Variants in MYO9B observed in about 807,000 individuals in gnomAD.
MYO9B encodes myosin IXB, also known as unconventional myosin-IXb.
Under a neutral mutation model 229.5 loss-of-function variants are expected in MYO9B, and 71 were observed. The observed-to-expected ratio is 0.31, with a 90% CI of 0.26 to 0.38. The LOEUF is 0.38. MYO9B is among the 10% of genes least tolerant of loss of function. MYO9B has a pLI of 1.00. For missense variants in MYO9B, 2,255 were observed against 2,920.5 expected (o/e 0.77, Z 5.25); for synonymous variants, 1,185 against 1,235.8 (o/e 0.96, Z 0.86).
chr19:17,206,837 G>C, intron 34 of MYO9B, 53 bp downstream of exon 34: 7 of 1,438,644 alleles, frequency 4.9e-6, no homozygotes, highest in Admixed American at 2.0e-5. Context: ...TTGGGAACCC[G>C]CGAGGCAGCA....
chr19:17,182,070 C>CTT (rs765799238), intron 15 of MYO9B, among the ~76,000 whole-genome samples: 3 of 142,292 alleles, frequency 2.1e-5, no homozygotes, highest in Non-Finnish European at 1.5e-5. Context: ...ATTCACCGCC[C>CTT]TTTTTTTTTT....
Position 17,200,765 on chromosome 19 carries a change from C to T in MYO9B, c.4499C>T (p.Ser1500Leu). The change falls in exon 26 of 40, where the codon TCG (serine) becomes TTG (leucine). Residue 1500 changes from serine to leucine, a missense_variant. Physicochemically the swap from Ser to Leu is moderately radical, Grantham distance 145. This residue lies in a region of MYO9B where 416 missense variants were observed against 605.5 expected (regional missense o/e 0.69). Transcript: ENST00000682292. ...KITVSEKWRE[S>L]VFRQITNANE... ...ACAGTGTCAGAGAAGTGGCGGGAAT[C>T]GGTGTTCCGCCAGATCACCAACGCC... 5 of 1,613,962 alleles carry T rather than the reference C, an allele frequency of 3.1e-6. No homozygotes were observed. The highest frequency in any genetic ancestry group is 4.2e-6 in the Non-Finnish European group (5 of 1,179,878).
chr19:17,149,907 G>A (rs2072458328), intron 3 of MYO9B, among the ~76,000 whole-genome samples: 1 of 152,248 alleles, frequency 6.6e-6, no homozygotes, highest in Non-Finnish European at 1.5e-5. Context: ...ATCGGCCACA[G>A]GCTGAGATTG....
chr19:17,158,601 A>G (rs1190408408), intron 7 of MYO9B, among the ~76,000 whole-genome samples: 2 of 151,948 alleles, frequency 1.3e-5, no homozygotes, highest in Admixed American at 1.3e-4. Context: ...TCTAAAAAAA[A>G]AAAAAAGGAG....
intron 11 of MYO9B, among the ~76,000 whole-genome samples, chr19:17,170,820 G>A (rs8106731): frequency 0.062 from 5,815 of 93,332 alleles, 286 homozygotes; most frequent in African/African-American, 0.18. Flanking sequence ...CAAGACCCCA[G>A]CTCTAAAAAT....
rs2072731761 is a variant in MYO9B at position 17,172,155 on chromosome 19, C to G, written c.1794-181C>G. Among the ~76,000 whole-genome samples the G allele has an allele frequency of 6.6e-6, 1 of 152,152 alleles. No individual in the cohort carries two copies. On this transcript the variant is annotated intron_variant, in intron 11 of 39. Transcript: ENST00000682292. The surrounding 1 kb of genome is among the most constrained non-coding windows in gnomAD (Gnocchi z 8.2). ...GGCATGAGGCAGGCAGGCGCACTGTCATTCCTTCCTTTCTTCACTCCTTCA... is the reference window on the plus strand; with the variant it reads ...GGCATGAGGCAGGCAGGCGCACTGTGATTCCTTCCTTTCTTCACTCCTTCA...
At chr19:17,205,092 A>G (rs1407955057) in intron 30 of MYO9B, among the ~76,000 whole-genome samples, 171 bp from the exon 31 acceptor site, 4 of 151,700 alleles carry the variant, frequency 2.6e-5, no homozygotes, top group Middle Eastern at 3.4e-3. Flanking sequence ...CGGAGGTTGC[A>G]GTGAGCCGAG....
intron 34 of MYO9B, 124 bp downstream of exon 34, chr19:17,206,908 G>T (rs762091796): frequency 8.2e-7 from 1 of 1,220,552 alleles, no homozygotes; most frequent in South Asian, 1.3e-5. Context: ...GCAGACCACT[G>T]TTGGGGGTTC....
chr19:17,197,769 G>A, intron 22 of MYO9B, 23 bp from the exon 23 acceptor site: 8 of 1,613,622 alleles, frequency 5.0e-6, no homozygotes, highest in African/African-American at 1.3e-5. Flanking sequence ...GTCAGTAAAA[G>A]CCATGTTTCT....
chr19:17,187,317 C>A (rs768425047), intron 18 of MYO9B, among the ~76,000 whole-genome samples: 1 of 152,218 alleles, frequency 6.6e-6, no homozygotes, highest in South Asian at 2.1e-4. Flanking sequence ...CGCCCCATCA[C>A]CTGTGTGTGA....
At chr19:17,133,922 G>C (rs927013961) in intron 2 of MYO9B, among the ~76,000 whole-genome samples, 6 of 151,978 alleles carry the variant, frequency 3.9e-5, no homozygotes, top group African/African-American at 7.3e-5. Context: ...CACCACGCCC[G>C]GCTAATTTTT....
rs909399388 is a variant in MYO9B at position 17,196,721 on chromosome 19, A to G, written c.4047-1071A>G. Among the ~76,000 whole-genome samples, 7 of 151,812 alleles carry G rather than the reference A, an allele frequency of 4.6e-5. No individual in the cohort carries two copies. The East Asian group carries it at 1.4e-3, about 29-fold the overall frequency. ...AAAGTAGAGATTATGGATAGAAGGA[A>G]GATAGATGCCGACGATAGATGGATG... On this transcript the variant is annotated intron_variant, in intron 22 of 39. Transcript: ENST00000682292.
chr19:17,153,326 C>T (rs942082343), intron 4 of MYO9B, among the ~76,000 whole-genome samples: 2 of 150,516 alleles, frequency 1.3e-5, no homozygotes, highest in Non-Finnish European at 3.0e-5. Flanking sequence ...CTCAGCCTCC[C>T]GAGTAGCTGG....
intron 7 of MYO9B, 198 bp downstream of exon 7, chr19:17,157,236 C>T (rs2072547118): frequency 2.4e-5 from 14 of 594,714 alleles, no homozygotes; most frequent in Middle Eastern, 4.9e-4. Flanking sequence ...CTCCTCCTCC[C>T]ACCCTCAAGT....
chr19:17,128,560 A>G (rs2072153862), intron 2 of MYO9B, among the ~76,000 whole-genome samples: 1 of 152,208 alleles, frequency 6.6e-6, no homozygotes, highest in Admixed American at 6.5e-5. Flanking sequence ...GGCACTGCCC[A>G]TAGGGCTCCT....
At chr19:17,131,883 T>G (rs562556356) in intron 2 of MYO9B, among the ~76,000 whole-genome samples, 5 of 147,518 alleles carry the variant, frequency 3.4e-5, no homozygotes, top group East Asian at 2.0e-4. Flanking sequence ...TTAATTTTTT[T>G]GGGGGGTGGG....
intron 35 of MYO9B, 78 bp from the exon 36 acceptor site, chr19:17,209,508 C>A: frequency 6.8e-7 from 1 of 1,472,508 alleles, no homozygotes; most frequent in African/African-American, 1.4e-5. Context: ...CCCCCAGGCA[C>A]CAGCTAGCAT....
Position 17,183,875 on chromosome 19 carries a change from A to C in MYO9B, c.2373+7A>C. 6.4e-7 allele frequency: 1 copy of C among 1,569,018 alleles called. No homozygotes were observed. Among genetic ancestry groups the C allele is most frequent in the Non-Finnish European group, 8.6e-7 (1 of 1,162,178 alleles). On this transcript the variant is annotated splice_region_variant and intron_variant, in intron 16 of 39. Coordinates refer to ENST00000682292, the MANE Select transcript of MYO9B (RefSeq NM_004145.4). ...AAAGCAGATCATTCCAAAGGTAAAA[A>C]AAAAAACACACCCCGCGCGACACGT...
intron 3 of MYO9B, 81 bp from the exon 4 acceptor site, chr19:17,152,563 C>T: frequency 1.1e-6 from 1 of 915,428 alleles, no homozygotes; most frequent in Non-Finnish European, 1.5e-6. Context: ...ACTCCCATCT[C>T]AAAAAAAAAA....
Sources: gnomAD v4.1 joint callset for allele counts (sites outside exome capture counted in the v4.1 genomes callset) on GRCh38, gnomAD v4.1.1 for gene constraint, gnomAD v4.1.1 regional missense constraint, Gnocchi (gnomAD v3.1) non-coding constraint, MANE v1.5 for transcripts, NCBI Gene and HGNC (gene_info 2026-07-23, HGNC 2026-07-21) for gene names.